The following AIG1 variants were observed in gnomAD, a reference collection of about 807,000 sequenced individuals.
AIG1 encodes androgen induced 1, also known as androgen-induced gene 1 protein.
AIG1 carries 23 observed loss-of-function variants against 31.4 expected under a neutral mutation model. That is an observed-to-expected ratio of 0.73 (90% CI 0.53 to 1.04). The LOEUF is 1.04. Among genes scored for constraint, AIG1 ranks in the 50% least tolerant of loss-of-function variants. AIG1 has a pLI of 0.00. For missense variants in AIG1, 274 were observed against 295.0 expected, an observed-to-expected ratio of 0.93 and a Z score of 0.52; for synonymous variants, 100 against 110.5, an observed-to-expected ratio of 0.90 and a Z score of 0.60.
chr6:143,234,649 C>G (rs1203529140), intron 3 of AIG1, among the ~76,000 whole-genome samples: 4 of 152,052 alleles, frequency 2.6e-5, no homozygotes, highest in African/African-American at 9.7e-5. Flanking sequence ...TGGGGCTTCC[C>G]TTTTTTTAAC....
chr6:143,230,664 ATATG>A (rs1372238061), intron 3 of AIG1, among the ~76,000 whole-genome samples: 1 of 151,702 alleles, frequency 6.6e-6, no homozygotes, highest in Non-Finnish European at 1.5e-5. Flanking sequence ...ATAATAATAT[ATATG>A]TATCAAACCA....
intron 2 of AIG1, among the ~76,000 whole-genome samples, chr6:143,157,127 T>G (rs1400083269): frequency 2.0e-5 from 3 of 152,310 alleles, no homozygotes; most frequent in African/African-American, 7.2e-5. Context: ...AATGATTATC[T>G]CAATGTGAAA....
intron 1 of AIG1, among the ~76,000 whole-genome samples, chr6:143,107,338 G>C (rs1430470968): frequency 6.6e-6 from 1 of 152,128 alleles, no homozygotes; most frequent in Non-Finnish European, 1.5e-5. Flanking sequence ...GACATGTCCT[G>C]AATAAATATG....
intron 2 of AIG1, among the ~76,000 whole-genome samples, chr6:143,164,269 AAC>A (rs746832642): frequency 6.6e-6 from 1 of 152,142 alleles, no homozygotes; most frequent in Non-Finnish European, 1.5e-5. Context: ...CATTTACAAA[AAC>A]ACACACTTTT....
At chr6:143,312,747 A>G (rs1562583156) in intron 4 of AIG1, among the ~76,000 whole-genome samples, 1 of 152,140 alleles carries the variant, frequency 6.6e-6, no homozygotes, top group Non-Finnish European at 1.5e-5. Flanking sequence ...CAACAAAGGA[A>G]ACCATCAATA....
intron 1 of AIG1, among the ~76,000 whole-genome samples, chr6:143,069,127 G>A (rs1312334340): frequency 2.6e-5 from 4 of 151,208 alleles, no homozygotes; most frequent in African/African-American, 7.3e-5. Context: ...TGACTCTCCC[G>A]CCTCAGCCTC....
intron 3 of AIG1, among the ~76,000 whole-genome samples, chr6:143,237,496 A>G (rs1464498142): frequency 6.6e-6 from 1 of 152,224 alleles, no homozygotes. Flanking sequence ...CAACTAATAT[A>G]TGATAAACTC....
intron 2 of AIG1, among the ~76,000 whole-genome samples, chr6:143,157,017 C>T (rs1302192331): frequency 6.6e-6 from 1 of 152,174 alleles, no homozygotes; most frequent in Non-Finnish European, 1.5e-5. Context: ...GTATCCATTA[C>T]AGTTATTTGG....
At chr6:143,121,441 A>T (rs1174098978) in intron 1 of AIG1, among the ~76,000 whole-genome samples, 1 of 152,224 alleles carries the variant, frequency 6.6e-6, no homozygotes, top group Non-Finnish European at 1.5e-5. Flanking sequence ...TTTACATTAC[A>T]TAATCCTTTT....
intron 2 of AIG1, 89 bp downstream of exon 2, chr6:143,137,079 G>T: frequency 7.8e-7 from 1 of 1,281,140 alleles, no homozygotes; most frequent in Non-Finnish European, 1.0e-6. Flanking sequence ...TTCATTATAA[G>T]AGGTTTCTGT....
At chr6:143,074,402 A>G (rs1224142519) in intron 1 of AIG1, among the ~76,000 whole-genome samples, 1 of 152,180 alleles carries the variant, frequency 6.6e-6, no homozygotes, top group Non-Finnish European at 1.5e-5. Flanking sequence ...TCGATTATGC[A>G]TTTCATGTTG....
chr6:143,122,881 C>T (rs1782360037), intron 1 of AIG1, among the ~76,000 whole-genome samples: 1 of 152,088 alleles, frequency 6.6e-6, no homozygotes, highest in Admixed American at 6.6e-5. Flanking sequence ...TGTTTTCTCT[C>T]CCTCCTGACT....
At chr6:143,202,200 A>C (rs1278120139) in intron 3 of AIG1, among the ~76,000 whole-genome samples, 3 of 152,178 alleles carry the variant, frequency 2.0e-5, no homozygotes. Flanking sequence ...TTAATTTAAT[A>C]ACAGTTTTCA....
At chr6:143,121,804 A>C (rs1782263770) in intron 1 of AIG1, among the ~76,000 whole-genome samples, 1 of 152,244 alleles carries the variant, frequency 6.6e-6, no homozygotes. Context: ...TTCACTTAGA[A>C]ATTTATAAAC....
At chr6:143,316,080 A>C (rs1018149426) in intron 4 of AIG1, among the ~76,000 whole-genome samples, 4 of 152,100 alleles carry the variant, frequency 2.6e-5, no homozygotes, top group African/African-American at 9.6e-5. Context: ...AGCATGGCAG[A>C]ATAGGAGGTC....
chr6:143,317,974 A>C (rs1775902390), intron 4 of AIG1, among the ~76,000 whole-genome samples: 1 of 152,150 alleles, frequency 6.6e-6, no homozygotes, highest in African/African-American at 2.4e-5. Context: ...AAAACTCCAA[A>C]ACACTGCTGA....
rs1489954000 is a variant in AIG1, at chr6:143,279,551, G to T, written c.400-4559G>T. 3.3e-5 allele frequency among the ~76,000 whole-genome samples: 5 copies of T among 152,106 alleles called. No individual in the cohort carries two copies. The highest frequency in any genetic ancestry group is 1.2e-4 in the African/African-American group (5 of 41,426). On this transcript the variant is annotated intron_variant, in intron 3 of 5. Transcript: ENST00000357847. This position sits in a 1 kb window ranked among gnomAD's most constrained non-coding sequence, Gnocchi z 5.4. ...AATCATGGGTCCTTCCGTGAATCCA[G>T]CCCCACCTCAGGTGTGAGGACTGCT...
chr6:143,178,025 C>T (rs1436440197), intron 3 of AIG1, among the ~76,000 whole-genome samples: 1 of 152,218 alleles, frequency 6.6e-6, no homozygotes, highest in Admixed American at 6.5e-5. Flanking sequence ...GGGGCGTCTG[C>T]TCTGCTACTG....
At chr6:143,108,922 A>G (rs1452385282) in intron 1 of AIG1, among the ~76,000 whole-genome samples, 1 of 152,150 alleles carries the variant, frequency 6.6e-6, no homozygotes, top group Admixed American at 6.5e-5. Context: ...TGTAACCACC[A>G]CCCACATCAA....
Sources: allele counts gnomAD v4.1 joint callset (sites outside exome capture counted in the v4.1 genomes callset), GRCh38; gene constraint gnomAD v4.1.1; non-coding constraint Gnocchi (gnomAD v3.1); transcripts MANE v1.5; gene names NCBI Gene and HGNC (gene_info 2026-07-23, HGNC 2026-07-21).